The following LRP1B variants were observed in gnomAD, a reference collection of about 807,000 sequenced individuals.
LRP1B encodes low-density lipoprotein receptor-related protein 1B.
In LRP1B, 217 loss-of-function variants were observed where a neutral mutation model predicts 556.6. That is an observed-to-expected ratio of 0.39 (90% confidence interval 0.35 to 0.44). The LOEUF is 0.44. Among genes scored for constraint, LRP1B ranks in the 20% least tolerant of loss-of-function variants. The pLI is 1.00. For missense variants in LRP1B, 5,053 were observed against 5,620.8 expected (o/e 0.90, Z 3.23); for synonymous variants, 2,047 against 1,865.8 (o/e 1.10, Z -2.50).
intron 10 of LRP1B, among the ~76,000 whole-genome samples, chr2:141,052,627 C>G (rs189250509): frequency 7.9e-5 from 12 of 152,074 alleles, no homozygotes; most frequent in African/African-American, 2.6e-4. Context: ...AAATGTCTTA[C>G]GAACTGTGAC....
chr2:140,855,497 A>AAAAAAAAAAAAAAAT (rs1692590055), intron 27 of LRP1B, among the ~76,000 whole-genome samples: 1 of 150,364 alleles, frequency 6.7e-6, no homozygotes, highest in African/African-American at 2.4e-5. Context: ...TACTGGGAAA[A>AAAAAAAAAAAAAAAT]AAAAAAAATT....
At chr2:140,388,762 T>G (rs1286144150) in intron 66 of LRP1B, among the ~76,000 whole-genome samples, 1 of 152,096 alleles carries the variant, frequency 6.6e-6, no homozygotes, top group Non-Finnish European at 1.5e-5. Flanking sequence ...ACTGTATGAG[T>G]AAGGCCTAAA....
intron 7 of LRP1B, among the ~76,000 whole-genome samples, chr2:141,076,287 T>G (rs1699784005): frequency 6.6e-6 from 1 of 152,160 alleles, no homozygotes; most frequent in South Asian, 2.1e-4. Context: ...CAGGGTTTCT[T>G]GACCAGGATG....
chr2:142,107,445 G>A (rs969038326), intron 1 of LRP1B, among the ~76,000 whole-genome samples: 6 of 152,010 alleles, frequency 3.9e-5, no homozygotes, highest in Non-Finnish European at 7.4e-5. Flanking sequence ...GCTATGGGCT[G>A]ACGCAGCAAA....
intron 1 of LRP1B, among the ~76,000 whole-genome samples, chr2:141,884,456 G>T (rs1244967306): frequency 6.6e-6 from 1 of 152,128 alleles, no homozygotes; most frequent in Non-Finnish European, 1.5e-5. Flanking sequence ...AAGAGCCCAT[G>T]ATAGGACATA....
intron 25 of LRP1B, among the ~76,000 whole-genome samples, chr2:140,874,282 AT>A (rs552951232): frequency 2.9e-4 from 44 of 151,592 alleles, no homozygotes; most frequent in African/African-American, 8.7e-4. Flanking sequence ...ATTGTAACAG[AT>A]TTTTTTTTAA....
intron 1 of LRP1B, among the ~76,000 whole-genome samples, chr2:141,905,204 G>T (rs917818043): frequency 3.3e-5 from 5 of 151,822 alleles, no homozygotes; most frequent in African/African-American, 1.2e-4. Context: ...TCAAATACTT[G>T]AGAGAAGAGA....
chr2:141,414,385 G>GAGGGAGGA (rs1553511583), intron 3 of LRP1B, among the ~76,000 whole-genome samples: 2 of 151,240 alleles, frequency 1.3e-5, no homozygotes, highest in Non-Finnish European at 2.9e-5. Context: ...GGGAGGGAGG[G>GAGGGAGGA]AGGAAGAAAG....
intron 2 of LRP1B, 120 bp downstream of exon 2, chr2:141,810,153 GAAAGAA>G (rs1696305835): frequency 4.6e-6 from 2 of 436,756 alleles, no homozygotes; most frequent in Non-Finnish European, 6.4e-6. Context: ...AAGAAAGAAA[GAAAGAA>G]AGAAAGAAGG....
chr2:141,262,908 G>C (rs1684751937), intron 3 of LRP1B, among the ~76,000 whole-genome samples: 1 of 151,546 alleles, frequency 6.6e-6, no homozygotes, highest in Non-Finnish European at 1.5e-5. Flanking sequence ...GTAAATTTTA[G>C]AAATAGCTTT....
intron 86 of LRP1B, chr2:140,269,212 T>A: frequency 2.1e-6 from 1 of 465,418 alleles, no homozygotes; most frequent in Non-Finnish European, 4.5e-6. Flanking sequence ...ACCAATGAAC[T>A]GTGGCCTGAA....
In LRP1B at chr2:140,529,551, G is replaced by A. The variant is rs186960227; in HGVS notation, c.7763-3201C>T. ...TTCTAAGGGTGCACAAATCTAGAAG[G>A]AATGCCGATTTCTTCTCCAGCTATG... On this transcript the variant is annotated intron_variant, in intron 47 of 90. Coordinates refer to ENST00000389484, the MANE Select transcript of LRP1B (RefSeq NM_018557.3). Among the ~76,000 whole-genome samples the A allele has an allele frequency of 2.0e-5, 3 of 151,966 alleles. No homozygotes were observed. The East Asian group carries it at 5.8e-4, about 30-fold the overall frequency.
intron 2 of LRP1B, among the ~76,000 whole-genome samples, chr2:141,648,141 T>C (rs992652376): frequency 6.6e-6 from 1 of 152,034 alleles, no homozygotes; most frequent in Non-Finnish European, 1.5e-5. Flanking sequence ...CATAATCATC[T>C]TGAGTTTTGT....
intron 2 of LRP1B, among the ~76,000 whole-genome samples, chr2:141,783,552 C>T (rs1946779): frequency 0.093 from 14,113 of 151,768 alleles, 902 homozygotes; most frequent in African/African-American, 0.18. Flanking sequence ...CTGCTTGTAT[C>T]TCATTATTTT....
At chr2:140,534,631 A>T (rs1041794089) in intron 46 of LRP1B, among the ~76,000 whole-genome samples, 2 of 152,166 alleles carry the variant, frequency 1.3e-5, no homozygotes, top group Non-Finnish European at 2.9e-5. Flanking sequence ...CTTAAAAATT[A>T]TCTTAAAATA....
At chr2:141,679,371 T>A (rs1422966622) in intron 2 of LRP1B, among the ~76,000 whole-genome samples, 3 of 152,150 alleles carry the variant, frequency 2.0e-5, no homozygotes, top group Non-Finnish European at 4.4e-5. Context: ...TTTGGGAAAA[T>A]TTGTTATGCC....
intron 84 of LRP1B, among the ~76,000 whole-genome samples, chr2:140,284,308 C>CCA (rs1558770210): frequency 3.0e-5 from 4 of 135,164 alleles, no homozygotes; most frequent in African/African-American, 5.6e-5. Flanking sequence ...CCCTCCCCCC[C>CCA]AAAAAAAAAC....
At chr2:140,947,190 T>G (rs1462546693) in intron 20 of LRP1B, among the ~76,000 whole-genome samples, 2 of 152,156 alleles carry the variant, frequency 1.3e-5, no homozygotes, top group East Asian at 3.9e-4. Flanking sequence ...TTAACAAAAA[T>G]AAATTTTTGA....
chr2:141,597,520 T>C (rs528009326), intron 2 of LRP1B, among the ~76,000 whole-genome samples: 1 of 152,224 alleles, frequency 6.6e-6, no homozygotes, highest in Non-Finnish European at 1.5e-5. Flanking sequence ...CAGTATAGAA[T>C]GTTTACAGTT....
Sources: allele counts gnomAD v4.1 joint callset (sites outside exome capture counted in the v4.1 genomes callset), GRCh38; gene constraint gnomAD v4.1.1; transcripts MANE v1.5; gene names NCBI Gene and HGNC (gene_info 2026-07-23, HGNC 2026-07-21).